The following TNFSF4 variants were observed in gnomAD, a reference collection of about 807,000 sequenced individuals.
TNFSF4 encodes TNF superfamily member 4.
TNFSF4 carries 4 observed loss-of-function variants against 7.3 expected under a neutral mutation model. The ratio of observed to expected loss-of-function variants is 0.55; its 90% CI spans 0.27 to 1.25. The LOEUF (loss-of-function observed/expected upper bound fraction) is 1.25, where lower values mean the gene tolerates loss of function less well. Ranked by LOEUF, TNFSF4 falls within the 50% of genes most tolerant of loss-of-function variation. TNFSF4 has a pLI of 0.12. For missense variants in TNFSF4, 181 were observed against 208.8 expected (o/e 0.87, Z 0.82); for synonymous variants, 76 against 83.7 (o/e 0.91, Z 0.50).
the TNFSF4 span, among the ~76,000 whole-genome samples, chr1:173,242,419 T>G: frequency 6.6e-6 from 1 of 152,090 alleles, no homozygotes; most frequent in East Asian, 1.9e-4. Context: ...TTATAGGAAA[T>G]AGAGAACAGA....
At chr1:173,359,256 T>C in the TNFSF4 span, among the ~76,000 whole-genome samples, 1 of 152,150 alleles carries the variant, frequency 6.6e-6, no homozygotes, top group Admixed American at 6.5e-5. Context: ...AACTAGAAAA[T>C]GTTTGTTGAG....
At chr1:173,316,964 T>C in the TNFSF4 span, among the ~76,000 whole-genome samples, 8 of 152,312 alleles carry the variant, frequency 5.3e-5, no homozygotes, top group African/African-American at 9.6e-5. Flanking sequence ...GCAGCTCTCA[T>C]TGACAGTCCC....
At chr1:173,362,597 A>G in the TNFSF4 span, 1 of 506,444 alleles carries the variant, frequency 2.0e-6, no homozygotes, top group Non-Finnish European at 3.9e-6. Flanking sequence ...ACAGTTGCCA[A>G]CTCCTGGGTA....
the TNFSF4 span, among the ~76,000 whole-genome samples, chr1:173,270,866 C>A: frequency 6.6e-6 from 1 of 152,014 alleles, no homozygotes; most frequent in Non-Finnish European, 1.5e-5. Flanking sequence ...GCAGTAGAAC[C>A]AAATTTTCAG....
chr1:173,364,225 G>GTATATATATATATATATATA, the TNFSF4 span, among the ~76,000 whole-genome samples: 68 of 143,612 alleles, frequency 4.7e-4, no homozygotes, highest in African/African-American at 7.7e-4. Flanking sequence ...AGAAGACTAG[G>GTATATATATATATATATATA]TATATATATA....
chr1:173,315,009 G>A, the TNFSF4 span, among the ~76,000 whole-genome samples: 1 of 152,162 alleles, frequency 6.6e-6, no homozygotes, highest in Non-Finnish European at 1.5e-5. Flanking sequence ...AGAGGTCAAG[G>A]TGGTGGAAGA....
the TNFSF4 span, among the ~76,000 whole-genome samples, chr1:173,330,879 T>A: frequency 7.0e-6 from 1 of 142,652 alleles, no homozygotes; most frequent in African/African-American, 2.6e-5. Flanking sequence ...TCTTTTCTTT[T>A]CTTATCTTTT....
At chr1:173,354,531 C>A in the TNFSF4 span, among the ~76,000 whole-genome samples, 1 of 151,978 alleles carries the variant, frequency 6.6e-6, no homozygotes, top group Non-Finnish European at 1.5e-5. Flanking sequence ...GGCAGAGATA[C>A]AACAAAAAAA....
chr1:173,348,268 G>T, the TNFSF4 span, among the ~76,000 whole-genome samples: 2 of 152,142 alleles, frequency 1.3e-5, no homozygotes, highest in Admixed American at 1.3e-4. Context: ...GTGAATAAAA[G>T]TCTCATGAGA....
the TNFSF4 span, among the ~76,000 whole-genome samples, chr1:173,402,458 T>G: frequency 2.0e-5 from 3 of 152,320 alleles, no homozygotes; most frequent in African/African-American, 7.2e-5. Flanking sequence ...GGTAATAATT[T>G]CAGATTTTGA....
intron 1 of TNFSF4, among the ~76,000 whole-genome samples, chr1:173,193,768 C>A (rs374183271): frequency 0.014 from 1,374 of 100,528 alleles, no homozygotes; most frequent in East Asian, 0.023. Flanking sequence ...ATAAGTGAAG[C>A]AAAAAAAAAA....
the TNFSF4 span, among the ~76,000 whole-genome samples, chr1:173,386,487 A>G: frequency 6.6e-6 from 1 of 152,172 alleles, no homozygotes; most frequent in Non-Finnish European, 1.5e-5. Context: ...GGTCACAGCC[A>G]CTGCAGAAAG....
At chr1:173,330,819 T>G in the TNFSF4 span, among the ~76,000 whole-genome samples, 1 of 152,200 alleles carries the variant, frequency 6.6e-6, no homozygotes, top group Non-Finnish European at 1.5e-5. Flanking sequence ...ATTTAGCAAA[T>G]TTTACTTCTT....
chr1:173,417,063 C>T, the TNFSF4 span, among the ~76,000 whole-genome samples: 1 of 152,160 alleles, frequency 6.6e-6, no homozygotes, highest in Non-Finnish European at 1.5e-5. Context: ...CAAATTGTGT[C>T]CCACGGAATG....
the TNFSF4 span, among the ~76,000 whole-genome samples, chr1:173,266,735 G>T: frequency 1.3e-5 from 2 of 151,974 alleles, no homozygotes; most frequent in Non-Finnish European, 2.9e-5. Context: ...CAAACGTTTA[G>T]GGAGCACTCA....
chr1:173,268,438 A>G, the TNFSF4 span, among the ~76,000 whole-genome samples: 2 of 152,124 alleles, frequency 1.3e-5, no homozygotes, highest in Non-Finnish European at 2.9e-5. Flanking sequence ...TTAGGTTACC[A>G]CTAACAGTGG....
the TNFSF4 span, among the ~76,000 whole-genome samples, chr1:173,402,649 C>A: frequency 6.6e-6 from 1 of 152,162 alleles, no homozygotes; most frequent in Non-Finnish European, 1.5e-5. Flanking sequence ...AGGTCATCAC[C>A]ATGTTCAGCA....
chr1:173,346,541 T>C, the TNFSF4 span, among the ~76,000 whole-genome samples: 1 of 152,172 alleles, frequency 6.6e-6, no homozygotes, highest in East Asian at 1.9e-4. Flanking sequence ...TCCTGGATGA[T>C]GTGGAGGGGG....
At chr1:173,425,642 AACAG>A in the TNFSF4 span, among the ~76,000 whole-genome samples, 1 of 152,236 alleles carries the variant, frequency 6.6e-6, no homozygotes, top group Non-Finnish European at 1.5e-5. Flanking sequence ...CAATCATAAA[AACAG>A]ACAGAAAAGG....
Sources: gnomAD v4.1 joint callset for allele counts (sites outside exome capture counted in the v4.1 genomes callset) on GRCh38, gnomAD v4.1.1 for gene constraint, MANE v1.5 for transcripts, NCBI Gene and HGNC (gene_info 2026-07-23, HGNC 2026-07-21) for gene names.